KLF16: variants seen among roughly 807,000 people sequenced by gnomAD.
KLF16 encodes KLF transcription factor 16.
In KLF16, 6 loss-of-function variants were observed where a neutral mutation model predicts 6.1. The ratio of observed to expected loss-of-function variants is 0.98; its 90% CI spans 0.54 to 1.93. KLF16 has a LOEUF of 1.93. Among genes scored for constraint, KLF16 ranks in the 30% most tolerant of loss-of-function variants. The pLI, the probability that KLF16 is intolerant of heterozygous loss-of-function variation, is 0.01. For missense variants in KLF16, 355 were observed against 363.8 expected (o/e 0.98, Z 0.20); for synonymous variants, 211 against 176.5 (o/e 1.20, Z -1.55).
At chr19:1,871,047 A>G in the KLF16 span, among the ~76,000 whole-genome samples, 1 of 152,188 alleles carries the variant, frequency 6.6e-6, no homozygotes, top group Admixed American at 6.5e-5. Flanking sequence ...AGGGTTGTGC[A>G]CTGTACTGCT....
chr19:1,854,816 GAC>G, intron 1 of KLF16, 56 bp from the exon 2 acceptor site: 1 of 1,570,436 alleles, frequency 6.4e-7, no homozygotes, highest in East Asian at 2.3e-5. Context: ...GGAGATGACA[GAC>G]ACGTTCCAGC....
rs1248317507 is a variant in KLF16, at chr19:1,854,750, A to C, written c.468T>G (p.Pro156=). 3.8e-6 allele frequency: 6 copies of C among 1,598,318 alleles called. No homozygotes were observed. The highest frequency in any genetic ancestry group is 5.1e-6 in the Non-Finnish European group (6 of 1,179,368). Residue 156 remains proline (P), a synonymous_variant, in exon 2 of 2, where the codon CCT becomes CCG. Transcript: ENST00000250916. ...SHLRTHTGER[P]FACDWQGCDK... is the part of the protein sequence containing the mutation. ...CGCAGCCCTGCCAGTCACAAGCAAA[A>C]GGGCGTTCCCCTGGACGGAGAGACA...
the KLF16 span, among the ~76,000 whole-genome samples, chr19:1,874,075 A>G: frequency 2.0e-5 from 3 of 152,226 alleles, no homozygotes; most frequent in Non-Finnish European, 4.4e-5. Flanking sequence ...GTCTTGTGGA[A>G]CTAGTACCAC....
Position 1,854,634 on chromosome 19 carries a change from C to G in KLF16, c.584G>C (p.Arg195Pro). ...KRFSCPLCSK[R>P]FTRSDHLAKH... is the part of the protein sequence containing the mutation. ...GGCCAGGTGGTCACTGCGGGTGAAGCGCTTGGAGCACAGAGGGCAGGAGAA... is the reference window on the plus strand; with the variant it reads ...GGCCAGGTGGTCACTGCGGGTGAAGGGCTTGGAGCACAGAGGGCAGGAGAA... The change falls in exon 2 of 2, where the codon CGC (arginine) becomes CCC (proline). Residue 195 changes from arginine (R) to proline (P), a missense_variant. Coordinates refer to ENST00000250916, the MANE Select transcript of KLF16 (RefSeq NM_031918.4). The G allele has an allele frequency of 6.3e-7, 1 of 1,599,146 alleles. No homozygotes were observed. The highest frequency in any genetic ancestry group is 1.1e-5 in the South Asian group (1 of 91,004).
upstream of KLF16, among the ~76,000 whole-genome samples, chr19:1,865,071 G>A (rs1039869544): frequency 6.6e-6 from 1 of 152,242 alleles, no homozygotes; most frequent in Admixed American, 6.5e-5. Context: ...TGGGTCGCCC[G>A]CACTGCGCCT....
chr19:1,876,342 G>C, the KLF16 span, among the ~76,000 whole-genome samples: 3 of 152,250 alleles, frequency 2.0e-5, no homozygotes, highest in Non-Finnish European at 2.9e-5. Context: ...GCGCGACACA[G>C]GCTGAACCCT....
upstream of KLF16, among the ~76,000 whole-genome samples, chr19:1,865,774 C>T (rs559907167): frequency 3.9e-4 from 59 of 152,352 alleles, no homozygotes; most frequent in Non-Finnish European, 7.5e-4. Flanking sequence ...GCCCCAGGAA[C>T]ACTCAGGCAA....
At position 1,854,624 on chromosome 19, in the gene KLF16, G is replaced by A. The variant is rs754170488; in HGVS notation, c.594C>T (p.Arg198=). 8 of 1,598,532 alleles carry A rather than the reference G, an allele frequency of 5.0e-6. No homozygotes were observed. In the East Asian group the frequency reaches 1.8e-4, roughly 36 times the overall value. ...GGGCGTGCTTGGCCAGGTGGTCACT[G>A]CGGGTGAAGCGCTTGGAGCACAGAG... The part of the protein sequence containing the change: ...SCPLCSKRFT[R]SDHLAKHARR... The change falls in exon 2 of 2, where the codon CGC becomes CGT. Residue 198 remains arginine (R), a synonymous_variant. Transcript: ENST00000250916.
At chr19:1,865,705 C>A (rs1170077799), upstream of KLF16, among the ~76,000 whole-genome samples, 1 of 152,162 alleles carries the variant, frequency 6.6e-6, no homozygotes, top group Non-Finnish European at 1.5e-5. Context: ...AGGCAGGAGA[C>A]CCCAGGTGAG....
the KLF16 span, among the ~76,000 whole-genome samples, chr19:1,873,428 G>A: frequency 6.6e-6 from 1 of 152,172 alleles, no homozygotes; most frequent in African/African-American, 2.4e-5. Flanking sequence ...CCCTGGGGAG[G>A]GTCTGCCCTC....
chr19:1,871,320 C>G, the KLF16 span, among the ~76,000 whole-genome samples: 2 of 152,110 alleles, frequency 1.3e-5, no homozygotes, highest in Non-Finnish European at 2.9e-5. Flanking sequence ...CTGCAGGGAC[C>G]CAGGGCCGTA....
upstream of KLF16, among the ~76,000 whole-genome samples, chr19:1,868,484 T>TTTGAGACAGAGTCTCACTA (rs2012223891): frequency 1.2e-5 from 1 of 82,826 alleles, no homozygotes; most frequent in African/African-American, 3.3e-5. Flanking sequence ...TTTTTTTTTT[T>TTTGAGACAGAGTCTCACTA]TTTTTTTTTT....
In KLF16 at chr19:1,857,089, G is replaced by T. The variant is rs2011968924; in HGVS notation, c.458-2329C>A. ...TGGTCCCACTCCCGCCGGGGCCAGG[G>T]GGCCCGGGCCAGGGTCGCCTCTCCG... On this transcript the variant is annotated intron_variant, in intron 1 of 1. Coordinates refer to ENST00000250916, the MANE Select transcript of KLF16 (RefSeq NM_031918.4). The surrounding 1 kb of genome is among the most constrained non-coding windows in gnomAD (Gnocchi z 4.7). Among the ~76,000 whole-genome samples the T allele has an allele frequency of 2.0e-5, 3 of 152,062 alleles. No individual in the cohort carries two copies. The South Asian group carries it at 6.2e-4, about 32-fold the overall frequency.
chr19:1,858,931 C>A (rs565993756), intron 1 of KLF16, among the ~76,000 whole-genome samples: 46 of 152,240 alleles, frequency 3.0e-4, no homozygotes, highest in South Asian at 8.3e-4. Flanking sequence ...ATCAGAGAGC[C>A]TGGGTGGGGG....
intron 1 of KLF16, among the ~76,000 whole-genome samples, chr19:1,856,432 G>C (rs1328401333): frequency 6.6e-6 from 1 of 152,186 alleles, no homozygotes; most frequent in African/African-American, 2.4e-5. Flanking sequence ...ACAGAGACCA[G>C]CAGCCCCCCT....
the KLF16 span, among the ~76,000 whole-genome samples, chr19:1,869,695 C>T: frequency 6.6e-6 from 1 of 152,176 alleles, no homozygotes; most frequent in Non-Finnish European, 1.5e-5. Context: ...CAGCCTCTAC[C>T]TCCTGGGCTC....
chr19:1,868,800 G>A, the KLF16 span, among the ~76,000 whole-genome samples: 11 of 152,010 alleles, frequency 7.2e-5, no homozygotes, highest in African/African-American at 2.7e-4. Flanking sequence ...ATACCACCAT[G>A]CCCAGATAAT....
upstream of KLF16, among the ~76,000 whole-genome samples, chr19:1,865,573 A>T (rs1465299127): frequency 2.0e-5 from 3 of 152,224 alleles, no homozygotes; most frequent in African/African-American, 7.2e-5. Context: ...AGCAGCCTCC[A>T]GGGGTGGGCC....
chr19:1,853,798 C>A lies in KLF16; in HGVS notation c.*661G>T, dbSNP rs904194552. 44 of 152,738 alleles carry A rather than the reference C, an allele frequency of 2.9e-4. No individual in the cohort carries two copies. The highest frequency in any genetic ancestry group is 7.9e-4 in the African/African-American group (33 of 41,594). The allele number at this position is 152,738 out of a possible 1,614,324, so 9.5% of individuals were successfully genotyped here. A position where few individuals can be genotyped will look rare whatever the true frequency, so the allele number is the denominator to read the frequency against. On this transcript the variant is annotated 3_prime_UTR_variant, in exon 2 of 2. Coordinates refer to ENST00000250916, the MANE Select transcript of KLF16 (RefSeq NM_031918.4). ...CCCTCCCCATCCCAGGTCTCAGAAG[C>A]AACACCTGGAGCCCCTCCGGGCATC...
Sources: gnomAD v4.1 joint callset for allele counts (sites outside exome capture counted in the v4.1 genomes callset) on GRCh38, gnomAD v4.1.1 for gene constraint, Gnocchi (gnomAD v3.1) non-coding constraint, MANE v1.5 for transcripts, NCBI Gene and HGNC (gene_info 2026-07-23, HGNC 2026-07-21) for gene names.